The following HTR1F variants were observed in gnomAD, a reference collection of about 807,000 sequenced individuals.
HTR1F encodes 5-hydroxytryptamine (serotonin) receptor 1F, G protein-coupled.
Under a neutral mutation model 24.0 loss-of-function variants are expected in HTR1F, and 17 were observed. The ratio of observed to expected loss-of-function variants is 0.71; its 90% confidence interval spans 0.48 to 1.06. The LOEUF is 1.06. HTR1F is among the 50% of genes least tolerant of loss of function. The probability of loss-of-function intolerance (pLI) is 0.00; values close to 1 mark genes in which losing one functional copy is unlikely to be tolerated. For missense variants in HTR1F, 391 were observed against 427.8 expected, an observed-to-expected ratio of 0.91 and a Z score of 0.76; for synonymous variants, 186 against 156.8, an observed-to-expected ratio of 1.19 and a Z score of -1.39.
At chr3:87,866,063 C>G (rs533742195) in intron 2 of HTR1F, among the ~76,000 whole-genome samples, 1 of 152,120 alleles carries the variant, frequency 6.6e-6, no homozygotes, top group Non-Finnish European at 1.5e-5. Flanking sequence ...GTCCTAGCCT[C>G]CTTAACCCAG....
chr3:87,848,124 A>C (rs1352339165), intron 2 of HTR1F, among the ~76,000 whole-genome samples: 1 of 151,936 alleles, frequency 6.6e-6, no homozygotes, highest in Non-Finnish European at 1.5e-5. Context: ...ACTAGTTTAC[A>C]TTCTCACTAA....
chr3:87,951,026 T>C (rs1037645328), intron 2 of HTR1F, among the ~76,000 whole-genome samples: 1 of 152,170 alleles, frequency 6.6e-6, no homozygotes, highest in African/African-American at 2.4e-5. Context: ...TCCTGGTATC[T>C]GCAACTTTCA....
intron 1 of HTR1F, among the ~76,000 whole-genome samples, chr3:87,798,235 G>C (rs1703936873): frequency 6.6e-6 from 1 of 151,840 alleles, no homozygotes; most frequent in Non-Finnish European, 1.5e-5. Flanking sequence ...TTCTTCACCG[G>C]GACTTCAGAG....
At chr3:87,984,708 T>C (rs2107518283) in intron 2 of HTR1F, among the ~76,000 whole-genome samples, 1 of 152,280 alleles carries the variant, frequency 6.6e-6, no homozygotes, top group South Asian at 2.1e-4. Context: ...GCCACCCACC[T>C]TGGCCTCCCA....
At chr3:87,935,445 G>T (rs1704389205) in intron 2 of HTR1F, among the ~76,000 whole-genome samples, 1 of 151,888 alleles carries the variant, frequency 6.6e-6, no homozygotes, top group Non-Finnish European at 1.5e-5. Flanking sequence ...ATTCCACCAG[G>T]GTGAGGCTTC....
At chr3:87,823,088 G>A (rs1045021864) in intron 2 of HTR1F, among the ~76,000 whole-genome samples, 1 of 151,954 alleles carries the variant, frequency 6.6e-6, no homozygotes, top group African/African-American at 2.4e-5. Flanking sequence ...TCATATATAT[G>A]GATTTTAATA....
intron 2 of HTR1F, among the ~76,000 whole-genome samples, chr3:87,827,224 C>CCCAT (rs1424024417): frequency 1.3e-5 from 2 of 151,714 alleles, no homozygotes; most frequent in Non-Finnish European, 2.9e-5. Context: ...CACCTATTGA[C>CCCAT]CCATCCTCTA....
intron 2 of HTR1F, among the ~76,000 whole-genome samples, chr3:87,939,578 ACTT>A (rs1306587114): frequency 6.6e-6 from 1 of 152,108 alleles, no homozygotes; most frequent in Non-Finnish European, 1.5e-5. Context: ...TCAGGATTCG[ACTT>A]CTTCCTGCTT....
At chr3:87,858,862 A>G (rs1705256441) in intron 2 of HTR1F, among the ~76,000 whole-genome samples, 2 of 152,144 alleles carry the variant, frequency 1.3e-5, no homozygotes, top group Admixed American at 6.6e-5. Context: ...TCTGAGACAA[A>G]TGGTTTTCTT....
intron 1 of HTR1F, among the ~76,000 whole-genome samples, chr3:87,805,858 C>T (rs1480995799): frequency 6.6e-6 from 1 of 152,092 alleles, no homozygotes; most frequent in African/African-American, 2.4e-5. Context: ...AGTTACCATA[C>T]TCTGCTATCA....
intron 2 of HTR1F, among the ~76,000 whole-genome samples, chr3:87,891,640 T>C (rs1393917): frequency 0.07 from 10,721 of 152,234 alleles, 1,202 homozygotes; most frequent in African/African-American, 0.24. Flanking sequence ...AGTTGTCTTC[T>C]AAACCCTCTT....
chr3:87,883,180 G>C (rs1360597258), intron 2 of HTR1F, among the ~76,000 whole-genome samples: 3 of 152,192 alleles, frequency 2.0e-5, no homozygotes, highest in East Asian at 1.9e-4. Context: ...AGGCAAACAG[G>C]GTCTGGAGTG....
intron 2 of HTR1F, among the ~76,000 whole-genome samples, chr3:87,925,218 G>A (rs1191323413): frequency 6.6e-6 from 1 of 152,096 alleles, no homozygotes; most frequent in Non-Finnish European, 1.5e-5. Flanking sequence ...GGCTCTGGAA[G>A]ACTCCCTGGT....
chr3:87,919,158 A>C (rs1703957287), intron 2 of HTR1F, among the ~76,000 whole-genome samples: 1 of 152,158 alleles, frequency 6.6e-6, no homozygotes, highest in Admixed American at 6.6e-5. Context: ...TGCTGGGATA[A>C]CTGGCTAGCC....
At chr3:87,895,516 T>A (rs188583341) in intron 2 of HTR1F, among the ~76,000 whole-genome samples, 6 of 152,308 alleles carry the variant, frequency 3.9e-5, no homozygotes, top group Admixed American at 2.0e-4. Flanking sequence ...GAATATATTA[T>A]ACTTAATTAT....
intron 2 of HTR1F, among the ~76,000 whole-genome samples, chr3:87,982,911 C>CA (rs1178671566): frequency 6.6e-6 from 1 of 152,160 alleles, no homozygotes; most frequent in African/African-American, 2.4e-5. Context: ...ACTGCAGCCT[C>CA]AAGGAGCCTC....
chr3:87,963,235 T>C lies in HTR1F; in HGVS notation c.-42-27473T>C, dbSNP rs149256591. On this transcript the variant is annotated intron_variant, in intron 2 of 2. Transcript: ENST00000319595. Reference sequence around the variant, plus strand: ...GATTTGTTTTTCACAGTTGATAATTTAATGTACAAGCCAAATCTATCCTAA... The same window carrying C: ...GATTTGTTTTTCACAGTTGATAATTCAATGTACAAGCCAAATCTATCCTAA... 9.9e-5 allele frequency among the ~76,000 whole-genome samples: 15 copies of C among 152,226 alleles called. No individual in the cohort carries two copies. The East Asian group carries it at 2.1e-3, about 22-fold the overall frequency.
chr3:87,953,153 T>C (rs1264309584), intron 2 of HTR1F, among the ~76,000 whole-genome samples: 1 of 151,686 alleles, frequency 6.6e-6, no homozygotes, highest in Non-Finnish European at 1.5e-5. Flanking sequence ...AAATATATTA[T>C]AACTAAGACT....
chr3:87,914,390 A>T (rs1411713857), intron 2 of HTR1F, among the ~76,000 whole-genome samples: 1 of 152,180 alleles, frequency 6.6e-6, no homozygotes, highest in Non-Finnish European at 1.5e-5. Flanking sequence ...TGCAGATTCC[A>T]TGGGCAGGGG....
Sources: allele counts gnomAD v4.1 joint callset (sites outside exome capture counted in the v4.1 genomes callset), GRCh38; gene constraint gnomAD v4.1.1; transcripts MANE v1.5; gene names NCBI Gene and HGNC (gene_info 2026-07-23, HGNC 2026-07-21).